The following MMD2 variants were observed in gnomAD, a reference collection of about 807,000 sequenced individuals.
The protein encoded by MMD2 is monocyte to macrophage differentiation factor 2.
A neutral mutation model predicts 33.5 loss-of-function variants in MMD2; 30 were observed. The ratio of observed to expected loss-of-function variants is 0.90; its 90% CI spans 0.67 to 1.22. MMD2 has a LOEUF of 1.22. Ranked by LOEUF, MMD2 falls within the 50% of genes most tolerant of loss-of-function variation. The pLI is 0.00. For synonymous variants in MMD2, 129 were observed against 123.0 expected, an observed-to-expected ratio of 1.05 and a Z score of -0.32; for missense variants, 364 against 325.4, an observed-to-expected ratio of 1.12 and a Z score of -0.91.
chr7:4,951,264 A>G (rs956659699), intron 1 of MMD2, among the ~76,000 whole-genome samples: 5 of 151,970 alleles, frequency 3.3e-5, no homozygotes, highest in East Asian at 1.9e-4. Flanking sequence ...CTGGAGCCCA[A>G]ATCCAGACGG....
At chr7:4,919,883 G>A (rs1177098581) in intron 3 of MMD2, among the ~76,000 whole-genome samples, 1 of 152,208 alleles carries the variant, frequency 6.6e-6, no homozygotes, top group African/African-American at 2.4e-5. Context: ...GCTACAGAGT[G>A]AGACTCCATC....
chr7:4,942,419 T>G (rs1366630567), intron 1 of MMD2, among the ~76,000 whole-genome samples: 23 of 151,478 alleles, frequency 1.5e-4, no homozygotes. Flanking sequence ...ATTTCTATTT[T>G]TTTTTTAATT....
At position 4,953,370 on chromosome 7, in the gene MMD2, G is replaced by A. The variant is rs570650623; in HGVS notation, c.47+5601C>T. 6.0e-5 allele frequency among the ~76,000 whole-genome samples: 9 copies of A among 150,368 alleles called. No individual in the cohort carries two copies. In the East Asian group the frequency reaches 1.8e-3, roughly 29 times the overall value. On this transcript the variant is annotated intron_variant, in intron 1 of 6. Transcript: ENST00000401401. The stretch of plus-strand genomic sequence containing the variant: ...ACTCCTGAACTCCTGCAGATGTAGG[G>A]CTACACATGACCTGTATAAAACCCA...
chr7:4,898,685 A>G, the MMD2 span, among the ~76,000 whole-genome samples: 11 of 152,186 alleles, frequency 7.2e-5, no homozygotes, highest in Non-Finnish European at 1.6e-4. Context: ...AGATCACTTG[A>G]GGTCAGGAGT....
At chr7:4,958,913 C>T in intron 1 of MMD2, 58 bp downstream of exon 1, 5 of 1,270,408 alleles carry the variant, frequency 3.9e-6, no homozygotes, top group Non-Finnish European at 5.0e-6. Context: ...GCCTCCGCGG[C>T]CCCCGCCGCC....
chr7:4,924,814 AG>A (rs1459230321), intron 2 of MMD2, among the ~76,000 whole-genome samples: 1 of 152,242 alleles, frequency 6.6e-6, no homozygotes, highest in East Asian at 1.9e-4. Flanking sequence ...GAGGGATTCA[AG>A]TGTTTGAGCC....
At chr7:4,922,199 C>A (rs553749454) in intron 2 of MMD2, among the ~76,000 whole-genome samples, 2 of 152,122 alleles carry the variant, frequency 1.3e-5, no homozygotes, top group South Asian at 4.2e-4. Flanking sequence ...ATACTCCAGC[C>A]TGGGTGACAG....
intron 1 of MMD2, among the ~76,000 whole-genome samples, chr7:4,958,436 C>T (rs945673160): frequency 2.0e-5 from 3 of 152,110 alleles, no homozygotes; most frequent in African/African-American, 7.2e-5. Context: ...TATGAAAAGA[C>T]CAGGATGTAC....
chr7:4,907,414 C>A lies in MMD2; in HGVS notation c.723G>T (p.Gln241His). 1 of 1,613,858 alleles carries A rather than the reference C, an allele frequency of 6.2e-7. No individual in the cohort carries two copies. The highest frequency in any genetic ancestry group is 8.5e-7 in the Non-Finnish European group (1 of 1,179,898). ...GGTCACCTCATTTGGACACCTTGGTCTGCAGGGTGCTGGGCAGATAGAGGT... is the reference window on the plus strand; with the variant it reads ...GGTCACCTCATTTGGACACCTTGGTATGCAGGGTGCTGGGCAGATAGAGGT... Reference protein sequence around the residue: ...WRYLYLPSTLQTKVSK With the variant: ...WRYLYLPSTLHTKVSK The change falls in exon 7 of 7, where the codon CAG (glutamine) becomes CAT (histidine). Residue 241 changes from glutamine (Q) to histidine (H), a missense_variant. Coordinates refer to ENST00000401401, the MANE Select transcript of MMD2 (RefSeq NM_198403.4).
chr7:4,954,383 C>T (rs924592569), intron 1 of MMD2, among the ~76,000 whole-genome samples: 13 of 151,928 alleles, frequency 8.6e-5, no homozygotes, highest in Non-Finnish European at 4.4e-5. Context: ...TTGTCTTCTA[C>T]TTTCTTCATG....
At chr7:4,901,591 G>A (rs535792223), downstream of MMD2, among the ~76,000 whole-genome samples, 2 of 152,364 alleles carry the variant, frequency 1.3e-5, no homozygotes, top group East Asian at 1.9e-4. Context: ...CTTGCACACT[G>A]GTCTGTGGAG....
chr7:4,908,707 G>A (rs564958364), intron 6 of MMD2, among the ~76,000 whole-genome samples: 32 of 151,598 alleles, frequency 2.1e-4, no homozygotes, highest in South Asian at 8.4e-4. Flanking sequence ...GACCAGCCTG[G>A]CCAACATAGT....
chr7:4,910,470 T>C (rs1784977418), intron 5 of MMD2, among the ~76,000 whole-genome samples: 1 of 152,048 alleles, frequency 6.6e-6, no homozygotes, highest in South Asian at 2.1e-4. Flanking sequence ...CTGAATTATT[T>C]CCATCCCCAT....
the MMD2 span, among the ~76,000 whole-genome samples, chr7:4,893,217 G>A: frequency 3.9e-5 from 6 of 152,076 alleles, no homozygotes; most frequent in African/African-American, 1.4e-4. Context: ...CCAAGAGAGG[G>A]TTCTTGGACC....
chr7:4,898,285 C>T, the MMD2 span, among the ~76,000 whole-genome samples: 36,771 of 152,144 alleles, frequency 0.24, 5,849 homozygotes, highest in African/African-American at 0.43. Flanking sequence ...CCTGGGGGCA[C>T]TCTGGATCCC....
chr7:4,907,479 C>T lies in MMD2; in HGVS notation c.658G>A (p.Ala220Thr), dbSNP rs768568094. 1.2e-6 allele frequency: 2 copies of T among 1,613,870 alleles called. No individual in the cohort carries two copies. The highest frequency in any genetic ancestry group is 8.5e-7 in the Non-Finnish European group (1 of 1,179,914). ...TAGTAGTGGGTACCAGCACCAAATGCTACAAAGAGATGCCAGATGGCGTGG... is the reference window on the plus strand; with the variant it reads ...TAGTAGTGGGTACCAGCACCAAATGTTACAAAGAGATGCCAGATGGCGTGG... Reference protein sequence around the residue: ...FAHAIWHLFVAFGAGTHYYAI... With the variant: ...FAHAIWHLFVTFGAGTHYYAI... Residue 220 changes from alanine (A) to threonine (T), a missense_variant, in exon 7 of 7, where the codon GCA becomes ACA. Physicochemically the swap from Ala to Thr is moderately conservative, Grantham distance 58. Coordinates refer to ENST00000401401, the MANE Select transcript of MMD2 (RefSeq NM_198403.4).
At chr7:4,942,237 G>C (rs1324669601) in intron 1 of MMD2, among the ~76,000 whole-genome samples, 1 of 151,712 alleles carries the variant, frequency 6.6e-6, no homozygotes, top group African/African-American at 2.4e-5. Context: ...ACAGGCATGA[G>C]CCACCATGCC....
Position 4,946,179 on chromosome 7 carries a change from A to ACCTG in MMD2, c.47+12791_47+12792insCAGG, listed in dbSNP as rs1335815775. 1.3e-5 allele frequency among the ~76,000 whole-genome samples: 2 copies of ACCTG among 150,822 alleles called. No individual in the cohort carries two copies. The highest frequency in any genetic ancestry group is 4.9e-5 in the African/African-American group (2 of 40,956). ...CGCGCGCACACCTGCACACATGCACACACACGCGCGCACACCCACACACAC... is the reference window on the plus strand; with the variant it reads ...CGCGCGCACACCTGCACACATGCACACCTGCACACGCGCGCACACCCACACACAC... On this transcript the variant is annotated intron_variant, in intron 1 of 6. Coordinates refer to ENST00000401401, the MANE Select transcript of MMD2 (RefSeq NM_198403.4). This position sits in a 1 kb window ranked among gnomAD's most constrained non-coding sequence, Gnocchi z 5.0.
intron 1 of MMD2, among the ~76,000 whole-genome samples, chr7:4,937,616 T>C (rs1785778340): frequency 6.6e-6 from 1 of 152,142 alleles, no homozygotes; most frequent in Non-Finnish European, 1.5e-5. Context: ...TCAAGCGATG[T>C]TCCTGCTTCA....
Sources: gnomAD v4.1 joint callset for allele counts (sites outside exome capture counted in the v4.1 genomes callset) on GRCh38, gnomAD v4.1.1 for gene constraint, Gnocchi (gnomAD v3.1) non-coding constraint, MANE v1.5 for transcripts, NCBI Gene and HGNC (gene_info 2026-07-23, HGNC 2026-07-21) for gene names.